The following PRKG1 variants were observed in gnomAD, a reference collection of about 807,000 sequenced individuals.
PRKG1 encodes the protein protein kinase cGMP-dependent 1.
A neutral mutation model predicts 88.1 loss-of-function variants in PRKG1; 35 were observed. That is an observed-to-expected ratio of 0.40 (90% CI 0.30 to 0.53). PRKG1 has a LOEUF of 0.53. Ranked by LOEUF, PRKG1 falls within the 20% of genes least tolerant of loss-of-function variation. The pLI, the probability that PRKG1 is intolerant of heterozygous loss-of-function variation, is 0.59. For missense variants in PRKG1, 540 were observed against 839.8 expected, an observed-to-expected ratio of 0.64 and a Z score of 4.41; for synonymous variants, 303 against 292.5, an observed-to-expected ratio of 1.04 and a Z score of -0.37.
At chr10:51,968,415 G>A (rs959778627) in intron 5 of PRKG1, among the ~76,000 whole-genome samples, 2 of 152,042 alleles carry the variant, frequency 1.3e-5, no homozygotes, top group South Asian at 2.1e-4. Context: ...GAGAAGAAGA[G>A]GCATAGACAC....
chr10:51,812,288 C>T (rs1564656932), intron 4 of PRKG1, among the ~76,000 whole-genome samples: 1 of 152,134 alleles, frequency 6.6e-6, no homozygotes. Flanking sequence ...AAAAAGTTGT[C>T]GAGATGCTTA....
At chr10:51,396,711 T>A (rs1272771530) in intron 2 of PRKG1, among the ~76,000 whole-genome samples, 1 of 152,246 alleles carries the variant, frequency 6.6e-6, no homozygotes, top group Non-Finnish European at 1.5e-5. Context: ...GGAGATGTTG[T>A]CAGAGTGAAA....
chr10:51,665,281 A>G (rs1197499796), intron 3 of PRKG1, among the ~76,000 whole-genome samples: 1 of 152,174 alleles, frequency 6.6e-6, no homozygotes, highest in East Asian at 1.9e-4. Context: ...TTAAAATAAG[A>G]GGGTACCTAA....
At chr10:51,527,338 T>C (rs532971038) in intron 3 of PRKG1, among the ~76,000 whole-genome samples, 1 of 152,126 alleles carries the variant, frequency 6.6e-6, no homozygotes, top group African/African-American at 2.4e-5. Flanking sequence ...GATGATAAAA[T>C]GTAAACATGT....
At chr10:52,077,531 A>G (rs11000713) in intron 7 of PRKG1, among the ~76,000 whole-genome samples, 26,219 of 152,148 alleles carry the variant, frequency 0.17, 2,866 homozygotes, top group South Asian at 0.28. Context: ...TCATGGTGAC[A>G]GTAATTAGAA....
In PRKG1 at chr10:51,207,881, A is replaced by T. The variant is rs115739293; in HGVS notation, c.478+54551A>T. Among the ~76,000 whole-genome samples the T allele has an allele frequency of 2.0e-3, 300 of 152,266 alleles. 1 individual carries two copies. Among genetic ancestry groups the T allele is most frequent in the African/African-American group, 7.0e-3 (292 of 41,550 alleles). The stretch of plus-strand genomic sequence containing the variant: ...GTAATTTCTCTCTTCTAATAAATTT[A>T]CTATTTCTTCCTTGCATGATAGTTA... On this transcript the variant is annotated intron_variant, in intron 2 of 17. Transcript: ENST00000373980.
intron 1 of PRKG1, among the ~76,000 whole-genome samples, chr10:51,104,339 C>G (rs112292509): frequency 3.7e-4 from 57 of 152,244 alleles, no homozygotes; most frequent in African/African-American, 1.2e-3. Flanking sequence ...TTTGTACAAT[C>G]TTCACATATA....
chr10:52,141,616 G>A (rs542259878), intron 8 of PRKG1, among the ~76,000 whole-genome samples: 23 of 152,176 alleles, frequency 1.5e-4, no homozygotes, highest in African/African-American at 5.5e-4. Context: ...GCAATAATCT[G>A]TTAAGCCACA....
intron 9 of PRKG1, among the ~76,000 whole-genome samples, chr10:52,206,950 A>G (rs1839835408): frequency 2.0e-5 from 3 of 152,222 alleles, no homozygotes; most frequent in African/African-American, 4.8e-5. Flanking sequence ...CAGCTTGGGC[A>G]CAATGGTGGT....
intron 3 of PRKG1, among the ~76,000 whole-genome samples, chr10:51,541,285 G>A (rs183775921): frequency 6.6e-6 from 1 of 152,180 alleles, no homozygotes; most frequent in African/African-American, 2.4e-5. Flanking sequence ...CTGACAGGAG[G>A]CAGAGCTCAG....
At chr10:51,209,555 T>C (rs992527776) in intron 2 of PRKG1, among the ~76,000 whole-genome samples, 1 of 152,196 alleles carries the variant, frequency 6.6e-6, no homozygotes, top group Non-Finnish European at 1.5e-5. Flanking sequence ...ACTAACATGA[T>C]TGACAATAAA....
rs73338058 is a variant in PRKG1 at position 51,486,118 on chromosome 10, C to T, written c.592+18282C>T. On this transcript the variant is annotated intron_variant, in intron 3 of 17. Coordinates refer to ENST00000373980, the MANE Select transcript of PRKG1 (RefSeq NM_006258.4). ...ACATTATTATTATTATTTTTGTTTG[C>T]GATAAGAACACATACCAGAATATAG... Among the ~76,000 whole-genome samples the T allele has an allele frequency of 9.1e-3, 1,378 of 152,028 alleles. 27 individuals carry two copies. Among genetic ancestry groups the T allele is most frequent in the African/African-American group, 0.032 (1,321 of 41,466 alleles).
chr10:51,802,050 A>G (rs1260114402), intron 3 of PRKG1, among the ~76,000 whole-genome samples: 1 of 152,182 alleles, frequency 6.6e-6, no homozygotes, highest in Admixed American at 6.6e-5. Context: ...ATCACTTAAG[A>G]TCAAAGGTGA....
chr10:51,032,416 T>C (rs1410734009), intron 1 of PRKG1, among the ~76,000 whole-genome samples: 1 of 152,180 alleles, frequency 6.6e-6, no homozygotes. Context: ...TAATAGATTT[T>C]ATTTCCACAG....
In PRKG1 at chr10:51,676,811, A is replaced by G. The variant is rs188511213; in HGVS notation, c.593-127774A>G. On this transcript the variant is annotated intron_variant, in intron 3 of 17. Transcript: ENST00000373980. Reference sequence around the variant, plus strand: ...GGTGTCTCATTAATCTCAGTTGTCTATTCTTTTTTTGCTTATCTCCTGGCA... The same window carrying G: ...GGTGTCTCATTAATCTCAGTTGTCTGTTCTTTTTTTGCTTATCTCCTGGCA... Among the ~76,000 whole-genome samples, 5 of 152,258 alleles carry G rather than the reference A, an allele frequency of 3.3e-5. No homozygotes were observed. The East Asian group carries it at 9.6e-4, about 29-fold the overall frequency.
At chr10:52,108,025 A>G (rs1191362328) in intron 7 of PRKG1, among the ~76,000 whole-genome samples, 1 of 152,240 alleles carries the variant, frequency 6.6e-6, no homozygotes, top group Non-Finnish European at 1.5e-5. Flanking sequence ...TTCAAATTAT[A>G]CACACGCATG....
intron 3 of PRKG1, among the ~76,000 whole-genome samples, chr10:51,529,776 T>G (rs1841972345): frequency 6.6e-6 from 1 of 152,212 alleles, no homozygotes; most frequent in Admixed American, 6.5e-5. Flanking sequence ...TCCTATATAC[T>G]TCATCAAATT....
At chr10:52,172,489 C>T (rs1838728747) in intron 9 of PRKG1, among the ~76,000 whole-genome samples, 1 of 152,152 alleles carries the variant, frequency 6.6e-6, no homozygotes, top group South Asian at 2.1e-4. Flanking sequence ...AGAGAACAGC[C>T]CGATACATGT....
rs73347265 is a variant in PRKG1, at chr10:51,791,848, T to C, written c.593-12737T>C. Among the ~76,000 whole-genome samples, 792 of 152,128 alleles carry C rather than the reference T, an allele frequency of 5.2e-3. 11 individuals are homozygous for C. The highest frequency in any genetic ancestry group is 0.018 in the African/African-American group (765 of 41,536). On this transcript the variant is annotated intron_variant, in intron 3 of 17. Transcript: ENST00000373980. ...ATTGCTGTAGGTAGAGGAAAATAAC[T>C]GGAGTAAAGACCTGATGGCAGGAAA...
Sources: gnomAD v4.1 joint callset for allele counts (sites outside exome capture counted in the v4.1 genomes callset) on GRCh38, gnomAD v4.1.1 for gene constraint, MANE v1.5 for transcripts, NCBI Gene and HGNC (gene_info 2026-07-23, HGNC 2026-07-21) for gene names.